Variants in ATRNL1 observed in about 807,000 individuals in gnomAD.
The protein encoded by ATRNL1 is attractin like 1.
A neutral mutation model predicts 182.7 loss-of-function variants in ATRNL1; 95 were observed. The observed-to-expected ratio is 0.52, with a 90% CI of 0.44 to 0.62. The LOEUF (loss-of-function observed/expected upper bound fraction) is 0.62, where lower values mean the gene tolerates loss of function less well. ATRNL1 is among the 20% of genes least tolerant of loss of function. The pLI is 0.00. For missense variants in ATRNL1, 1,471 were observed against 1,679.5 expected (o/e 0.88, Z 2.17); for synonymous variants, 576 against 568.3 (o/e 1.01, Z -0.19).
intron 28 of ATRNL1, among the ~76,000 whole-genome samples, chr10:115,858,361 A>G (rs1184721757): frequency 6.6e-6 from 1 of 152,214 alleles, no homozygotes; most frequent in Non-Finnish European, 1.5e-5. Flanking sequence ...ATACAGCCAT[A>G]AAAAGGAATG....
At chr10:115,777,906 A>G (rs956209127) in intron 27 of ATRNL1, among the ~76,000 whole-genome samples, 1 of 152,252 alleles carries the variant, frequency 6.6e-6, no homozygotes, top group Admixed American at 6.5e-5. Flanking sequence ...GATGAAAAAA[A>G]TCATTATAGC....
At chr10:115,405,036 A>G (rs1200781266) in intron 20 of ATRNL1, among the ~76,000 whole-genome samples, 1 of 152,178 alleles carries the variant, frequency 6.6e-6, no homozygotes, top group Non-Finnish European at 1.5e-5. Context: ...ACAGAGTATC[A>G]AGTTAAGATT....
At chr10:115,533,582 T>G (rs547057993) in intron 25 of ATRNL1, among the ~76,000 whole-genome samples, 4 of 151,960 alleles carry the variant, frequency 2.6e-5, no homozygotes, top group African/African-American at 7.3e-5. Flanking sequence ...TTTTGAAGGG[T>G]TTTTTTGTGT....
chr10:115,606,695 A>T (rs1169871382), intron 26 of ATRNL1, among the ~76,000 whole-genome samples: 2 of 152,084 alleles, frequency 1.3e-5, no homozygotes, highest in African/African-American at 2.4e-5. Flanking sequence ...AGATGTTTCT[A>T]TGACAGTATT....
intron 19 of ATRNL1, among the ~76,000 whole-genome samples, chr10:115,343,902 G>T (rs1855859849): frequency 6.6e-6 from 1 of 152,190 alleles, no homozygotes; most frequent in Admixed American, 6.5e-5. Flanking sequence ...TGCCTTGATG[G>T]TCTTGGACAA....
chr10:115,663,205 A>G (rs1381733833), intron 26 of ATRNL1, among the ~76,000 whole-genome samples: 1 of 152,082 alleles, frequency 6.6e-6, no homozygotes, highest in East Asian at 1.9e-4. Context: ...CAGTGAGTAA[A>G]CTGAGGTTCA....
At chr10:115,459,661 T>G (rs1252179530) in intron 21 of ATRNL1, among the ~76,000 whole-genome samples, 3 of 152,170 alleles carry the variant, frequency 2.0e-5, no homozygotes, top group African/African-American at 7.2e-5. Flanking sequence ...CTTGGTCCTG[T>G]GGTCCTGTGA....
chr10:115,376,555 C>T (rs548972529), intron 19 of ATRNL1, among the ~76,000 whole-genome samples: 3 of 152,232 alleles, frequency 2.0e-5, no homozygotes, highest in African/African-American at 7.2e-5. Flanking sequence ...TATGGGGTCT[C>T]GCTATGTTGC....
chr10:115,506,286 G>GA (rs1250156614), intron 24 of ATRNL1, among the ~76,000 whole-genome samples: 4 of 150,952 alleles, frequency 2.6e-5, no homozygotes, highest in African/African-American at 9.7e-5. Context: ...AACCCAATGG[G>GA]AAAAAGACTG....
chr10:115,508,322 G>A (rs1850216638), intron 24 of ATRNL1, among the ~76,000 whole-genome samples: 1 of 151,938 alleles, frequency 6.6e-6, no homozygotes, highest in African/African-American at 2.4e-5. Context: ...TTGAGACACA[G>A]CAATATTGAA....
In ATRNL1 at chr10:115,442,303, C is replaced by CTCTCTCTGTG. The variant is rs782157017; in HGVS notation, c.3322+16002_3322+16003insCTCTCTGTGT. Among the ~76,000 whole-genome samples, 218 of 123,806 alleles carry CTCTCTCTGTG rather than the reference C, an allele frequency of 1.8e-3. 4 individuals carry two copies. The highest frequency in any genetic ancestry group is 4.7e-3 in the Middle Eastern group (1 of 212). 81.2% of individuals were successfully genotyped at this position (123,806 alleles called of 152,430 possible). Reference sequence around the variant, plus strand: ...TCTCTCTCTCTCTCTCTCTCTCTCTCTGTGTGTATGTGTGTGTGTAAACAA... The same window carrying CTCTCTCTGTG: ...TCTCTCTCTCTCTCTCTCTCTCTCTCTCTCTCTGTGTGTGTGTATGTGTGTGTGTAAACAA... On this transcript the variant is annotated intron_variant, in intron 21 of 28. Transcript: ENST00000355044.
At chr10:115,794,105 C>T (rs941276466) in intron 27 of ATRNL1, among the ~76,000 whole-genome samples, 3 of 152,252 alleles carry the variant, frequency 2.0e-5, no homozygotes, top group African/African-American at 4.8e-5. Context: ...CTAAAGAAGT[C>T]GGACTATTTG....
At chr10:115,191,974 A>G (rs1333186281) in intron 8 of ATRNL1, among the ~76,000 whole-genome samples, 1 of 152,026 alleles carries the variant, frequency 6.6e-6, no homozygotes, top group Non-Finnish European at 1.5e-5. Flanking sequence ...TTGTTTGACA[A>G]CTTTGTATAT....
At chr10:115,604,227 G>A (rs188858159) in intron 26 of ATRNL1, among the ~76,000 whole-genome samples, 1 of 152,198 alleles carries the variant, frequency 6.6e-6, no homozygotes, top group Admixed American at 6.5e-5. Flanking sequence ...TAAGCATTGA[G>A]TTTTGTTCTG....
intron 27 of ATRNL1, among the ~76,000 whole-genome samples, chr10:115,834,977 A>C (rs782704233): frequency 2.2e-4 from 33 of 152,318 alleles, no homozygotes; most frequent in African/African-American, 7.7e-4. Context: ...AGTACTTAGC[A>C]GTGTCCACCA....
At chr10:115,592,160 G>C (rs1271187217) in intron 26 of ATRNL1, among the ~76,000 whole-genome samples, 1 of 152,094 alleles carries the variant, frequency 6.6e-6, no homozygotes, top group Non-Finnish European at 1.5e-5. Flanking sequence ...TAGGTACTGG[G>C]GACTACTAGG....
chr10:115,644,783 TA>T (rs1457031339), intron 26 of ATRNL1, among the ~76,000 whole-genome samples: 3 of 152,202 alleles, frequency 2.0e-5, no homozygotes, highest in Non-Finnish European at 4.4e-5. Context: ...GCAGTAATTA[TA>T]AAACTACATA....
At chr10:115,602,411 TA>T (rs1232472576) in intron 26 of ATRNL1, among the ~76,000 whole-genome samples, 3 of 147,200 alleles carry the variant, frequency 2.0e-5, no homozygotes, top group African/African-American at 7.7e-5. Context: ...CTTCTGACAC[TA>T]AATGTTTGGG....
At chr10:115,620,964 CT>C (rs557803709) in intron 26 of ATRNL1, among the ~76,000 whole-genome samples, 5 of 151,622 alleles carry the variant, frequency 3.3e-5, no homozygotes, top group African/African-American at 4.8e-5. Flanking sequence ...TCCATTTCCC[CT>C]TTTTTTTCAT....
Sources: gnomAD v4.1 joint callset for allele counts (sites outside exome capture counted in the v4.1 genomes callset) on GRCh38, gnomAD v4.1.1 for gene constraint, MANE v1.5 for transcripts, NCBI Gene and HGNC (gene_info 2026-07-23, HGNC 2026-07-21) for gene names.